ANXA7: variants seen among roughly 807,000 people sequenced by gnomAD.
ANXA7 encodes annexin VII.
ANXA7 carries 55 observed loss-of-function variants against 64.9 expected under a neutral mutation model. The ratio of observed to expected loss-of-function variants is 0.85; its 90% CI spans 0.68 to 1.06. The LOEUF (loss-of-function observed/expected upper bound fraction) is 1.06, where lower values mean the gene tolerates loss of function less well. Ranked by LOEUF, ANXA7 falls within the 50% of genes least tolerant of loss-of-function variation. ANXA7 has a pLI of 0.00. For synonymous variants in ANXA7, 200 were observed against 192.4 expected, an observed-to-expected ratio of 1.04 and a Z score of -0.33; for missense variants, 548 against 582.1, an observed-to-expected ratio of 0.94 and a Z score of 0.60.
In ANXA7 at chr10:73,395,898, GC is replaced by G. The variant is rs774359307; in HGVS notation, c.435+620del. ...AGACTAACTGGCTACTATGTCTAAA[GC>G]CCTACCTATTATTACAGGAACACAA... is the stretch of plus-strand genomic sequence containing the variant. On this transcript the variant is annotated intron_variant, in intron 5 of 12. Transcript: ENST00000372921. The G allele has an allele frequency of 4.2e-6, 3 of 716,396 alleles. No homozygotes were observed. In the African/African-American group the frequency reaches 5.2e-5, roughly 12 times the overall value. The allele number at this position is 716,396 out of a possible 1,614,324, so 44.4% of individuals were successfully genotyped here. A position where few individuals can be genotyped will look rare whatever the true frequency, so the allele number is the denominator to read the frequency against.
rs538477653 is a variant in ANXA7, at chr10:73,380,948, G to A, written c.919-747C>T. Among the ~76,000 whole-genome samples, 14 of 152,224 alleles carry A rather than the reference G, an allele frequency of 9.2e-5. 1 individual carries two copies. The South Asian group carries it at 2.9e-3, about 32-fold the overall frequency. ...AGCGGTAGGGACACAGGAGAGACAG[G>A]GTCTCTGCCCTCAAGAAATTTAACT... On this transcript the variant is annotated intron_variant, in intron 9 of 12. Transcript: ENST00000372921.
chr10:73,401,343 G>C (rs1431195304), intron 1 of ANXA7, among the ~76,000 whole-genome samples: 2 of 152,016 alleles, frequency 1.3e-5, no homozygotes, highest in Non-Finnish European at 2.9e-5. Context: ...ATTAAAATGT[G>C]GATATTAGGG....
At chr10:73,381,466 A>G (rs1358103241) in intron 9 of ANXA7, 2 of 152,204 alleles carry the variant, frequency 1.3e-5, no homozygotes, top group African/African-American at 2.4e-5. Flanking sequence ...CCATCTTTGG[A>G]ATAAGATGGA....
intron 7 of ANXA7, among the ~76,000 whole-genome samples, chr10:73,384,100 G>A (rs1589648853): frequency 6.6e-6 from 1 of 150,586 alleles, no homozygotes; most frequent in Non-Finnish European, 1.5e-5. Context: ...CAGCCTGGGC[G>A]ACAGAGCAAG....
At chr10:73,404,101 C>T (rs1261981874) in intron 1 of ANXA7, among the ~76,000 whole-genome samples, 2 of 152,134 alleles carry the variant, frequency 1.3e-5, no homozygotes, top group South Asian at 2.1e-4. Flanking sequence ...ACTTTCAGTA[C>T]ATTTACTTTC....
At chr10:73,388,674 T>C (rs146960770) in intron 5 of ANXA7, among the ~76,000 whole-genome samples, 79 of 152,266 alleles carry the variant, frequency 5.2e-4, no homozygotes, top group African/African-American at 1.9e-3. Context: ...ACTTGTGAAA[T>C]TAAAGTCACA....
chr10:73,407,534 T>G (rs1451468218), intron 1 of ANXA7, among the ~76,000 whole-genome samples: 1 of 125,074 alleles, frequency 8.0e-6, no homozygotes, highest in African/African-American at 3.0e-5. Flanking sequence ...CCAGAATACT[T>G]TGGGATTTCT....
At chr10:73,379,190 G>T (rs2055234314) in intron 11 of ANXA7, among the ~76,000 whole-genome samples, 167 bp from the exon 12 acceptor site, 1 of 151,968 alleles carries the variant, frequency 6.6e-6, no homozygotes. Flanking sequence ...TTTTTTTTGA[G>T]ACAGGTTCTC....
At chr10:73,380,316 T>C (rs1177999849) in intron 9 of ANXA7, 115 bp from the exon 10 acceptor site, 3 of 1,041,092 alleles carry the variant, frequency 2.9e-6, no homozygotes, top group Non-Finnish European at 4.1e-6. Context: ...TTTTTTGAGA[T>C]AGGGTCTTGC....
rs188871914 is a variant in ANXA7 at position 73,414,044 on chromosome 10, G to A, written c.-34C>T. 90 of 152,388 alleles carry A rather than the reference G, an allele frequency of 5.9e-4. 1 individual carries two copies. The highest frequency in any genetic ancestry group is 2.1e-3 in the African/African-American group (86 of 41,552). 9.4% of individuals were successfully genotyped at this position (152,388 alleles called of 1,614,324 possible). ...CAGCAGCAGCGTCACAGCCCAACCC[G>A]GTCTCCCGCAAGATGGAGCCGGGGG... On this transcript the variant is annotated 5_prime_UTR_variant, in exon 1 of 13. Coordinates refer to ENST00000372921, the MANE Select transcript of ANXA7 (RefSeq NM_001156.5).
rs185152187 is a variant in ANXA7, at chr10:73,403,481, G to A, written c.-1-2624C>T. ...CCAGCCTGGGCAACAGAGTGAGACC[G>A]TGTCTCTTAAAAAAAAACAAAACAA... On this transcript the variant is annotated intron_variant, in intron 1 of 12. Coordinates refer to ENST00000372921, the MANE Select transcript of ANXA7 (RefSeq NM_001156.5). Among the ~76,000 whole-genome samples the A allele has an allele frequency of 8.6e-4, 131 of 152,038 alleles. 2 individuals carry two copies. In the East Asian group the frequency reaches 0.014, roughly 16 times the overall value.
Position 73,376,214 on chromosome 10 carries a change from C to A in ANXA7, c.1282G>T (p.Asp428Tyr). ...AACATCTGTTTTATTTGTACAAGGT[C>A]AATCTGCATAAGAAATAATATTTCT... ...VRIVVTRSEI[D>Y]LVQIKQMFAQ... Residue 428 changes from aspartate to tyrosine, a missense_variant, in exon 13 of 13, where the codon GAC becomes TAC. Coordinates refer to ENST00000372921, the MANE Select transcript of ANXA7 (RefSeq NM_001156.5). 1 of 1,564,974 alleles carries A rather than the reference C, an allele frequency of 6.4e-7. No individual in the cohort carries two copies. Among genetic ancestry groups the A allele is most frequent in the Non-Finnish European group, 8.6e-7 (1 of 1,160,710 alleles).
chr10:73,385,366 G>A (rs1397632294), intron 7 of ANXA7, among the ~76,000 whole-genome samples: 1 of 152,178 alleles, frequency 6.6e-6, no homozygotes, highest in Non-Finnish European at 1.5e-5. Context: ...GGAATATTTA[G>A]TTAAGAGGTA....
chr10:73,411,619 A>G (rs1398955324), intron 1 of ANXA7, among the ~76,000 whole-genome samples: 2 of 152,128 alleles, frequency 1.3e-5, no homozygotes, highest in Non-Finnish European at 2.9e-5. Flanking sequence ...TTTAGTACAG[A>G]CAGGGTTTCA....
chr10:73,392,083 T>C (rs2055494179), intron 5 of ANXA7, among the ~76,000 whole-genome samples: 1 of 151,682 alleles, frequency 6.6e-6, no homozygotes, highest in Non-Finnish European at 1.5e-5. Context: ...TCTATGCAAA[T>C]AAACTAGAAA....
intron 7 of ANXA7, among the ~76,000 whole-genome samples, chr10:73,384,740 A>T (rs1005720067): frequency 3.9e-5 from 6 of 152,182 alleles, no homozygotes; most frequent in Non-Finnish European, 2.9e-5. Context: ...TCTAAAAAAA[A>T]AATAATGTAA....
intron 7 of ANXA7, among the ~76,000 whole-genome samples, 158 bp from the exon 8 acceptor site, chr10:73,383,848 G>A (rs1298927933): frequency 6.6e-6 from 1 of 152,130 alleles, no homozygotes; most frequent in Non-Finnish European, 1.5e-5. Context: ...AAGGCCAGGC[G>A]CGGTGGCTCA....
intron 1 of ANXA7, among the ~76,000 whole-genome samples, chr10:73,401,184 G>A (rs1281922088): frequency 1.3e-5 from 2 of 151,984 alleles, no homozygotes; most frequent in Non-Finnish European, 2.9e-5. Context: ...GATTACAGGT[G>A]TGAGCCACCG....
Position 73,407,964 on chromosome 10 carries a change from C to CTT in ANXA7, c.-2+6046_-2+6047dup, listed in dbSNP as rs561199725. Among the ~76,000 whole-genome samples, 13 of 152,060 alleles carry CTT rather than the reference C, an allele frequency of 8.5e-5. No homozygotes were observed. The East Asian group carries it at 2.5e-3, about 29-fold the overall frequency. On this transcript the variant is annotated intron_variant, in intron 1 of 12. Coordinates refer to ENST00000372921, the MANE Select transcript of ANXA7 (RefSeq NM_001156.5). ...AACAGGGACAGGCTGAATTTTTTTG[C>CTT]TTTTTTCTTTTCTAAGCCTGGGTTT...
Sources: allele counts gnomAD v4.1 joint callset (sites outside exome capture counted in the v4.1 genomes callset), GRCh38; gene constraint gnomAD v4.1.1; transcripts MANE v1.5; gene names NCBI Gene and HGNC (gene_info 2026-07-23, HGNC 2026-07-21).